The following ISG20 variants were observed in gnomAD, a reference collection of about 807,000 sequenced individuals.
The protein encoded by ISG20 is interferon stimulated exonuclease gene 20, also known as interferon-stimulated gene 20 kDa protein.
A neutral mutation model predicts 11.1 loss-of-function variants in ISG20; 8 were observed. The ratio of observed to expected loss-of-function variants is 0.72; its 90% CI spans 0.42 to 1.30. ISG20 has a LOEUF of 1.30. Among genes scored for constraint, ISG20 ranks in the 50% most tolerant of loss-of-function variants. The probability of loss-of-function intolerance (pLI) is 0.01; values close to 1 mark genes in which losing one functional copy is unlikely to be tolerated. For missense variants in ISG20, 243 were observed against 250.2 expected, an observed-to-expected ratio of 0.97 and a Z score of 0.19; for synonymous variants, 110 against 101.7, an observed-to-expected ratio of 1.08 and a Z score of -0.49.
In ISG20 at chr15:88,651,674, C is replaced by T. The variant is rs746196457; in HGVS notation, c.229-436C>T. 4 of 605,952 alleles carry T rather than the reference C, an allele frequency of 6.6e-6. No individual in the cohort carries two copies. The Admixed American group carries it at 1.6e-4, about 24-fold the overall frequency. The allele number at this position is 605,952 out of a possible 1,614,324, so 37.5% of individuals were successfully genotyped here. A position where few individuals can be genotyped will look rare whatever the true frequency, so the allele number is the denominator to read the frequency against. ...ACTGATTAGCAATCTAAGTTCTGCC[C>T]GGAACTTTAATTCCTCTTTGCCAGG... On this transcript the variant is annotated intron_variant, in intron 2 of 3. Transcript: ENST00000306072.
chr15:88,652,037 C>A, intron 2 of ISG20, 73 bp from the exon 3 acceptor site: 2 of 1,599,762 alleles, frequency 1.3e-6, no homozygotes, highest in Admixed American at 1.7e-5. Context: ...GGAGGGATTG[C>A]TCCCTTGCCA....
rs111437463 is a variant in ISG20, at chr15:88,651,896, G to C, written c.229-214G>C. ...ACAGTTCAGCTCCTGAAGGAGTCCA[G>C]GTGGGCTTTTGGCACAGAATGAAAC... On this transcript the variant is annotated intron_variant, in intron 2 of 3. Coordinates refer to ENST00000306072, the MANE Select transcript of ISG20 (RefSeq NM_002201.6). 9 of 1,404,990 alleles carry C rather than the reference G, an allele frequency of 6.4e-6. No homozygotes were observed. In the African/African-American group the frequency reaches 8.7e-5, roughly 14 times the overall value. 87.0% of individuals were successfully genotyped at this position (1,404,990 alleles called of 1,614,324 possible).
intron 2 of ISG20, chr15:88,651,238 T>A: frequency 1.0e-6 from 1 of 985,464 alleles, no homozygotes; most frequent in African/African-American, 1.7e-5. Context: ...CTCCTCTGCA[T>A]TTCAGATATT....
intron 3 of ISG20, among the ~76,000 whole-genome samples, chr15:88,654,728 C>G (rs559250238): frequency 6.6e-6 from 1 of 152,328 alleles, no homozygotes; most frequent in East Asian, 1.9e-4. Context: ...TCATATCCAG[C>G]TCAGAGGTTT....
chr15:88,646,778 C>G (rs1160337335), intron 2 of ISG20: 3 of 152,398 alleles, frequency 2.0e-5, no homozygotes, highest in Non-Finnish European at 4.4e-5. Flanking sequence ...GCATTATTTT[C>G]TTTCTTTTTT....
At chr15:88,647,461 C>T (rs1003799316) in intron 2 of ISG20, 3 of 152,226 alleles carry the variant, frequency 2.0e-5, no homozygotes, top group Non-Finnish European at 4.4e-5. Context: ...CCCTCCCCTG[C>T]CACGCACACA....
intron 2 of ISG20, among the ~76,000 whole-genome samples, chr15:88,645,645 C>G (rs970770648): frequency 2.6e-5 from 4 of 152,244 alleles, no homozygotes; most frequent in Middle Eastern, 3.4e-3. Context: ...CATAGCTCAG[C>G]CATTGCCTAC....
At chr15:88,651,235 G>A in intron 2 of ISG20, 1 of 985,424 alleles carries the variant, frequency 1.0e-6, no homozygotes, top group Non-Finnish European at 1.2e-6. Context: ...TCACTCCTCT[G>A]CATTTCAGAT....
intron 2 of ISG20, chr15:88,651,721 G>A (rs914272085): frequency 2.0e-5 from 19 of 950,594 alleles, no homozygotes; most frequent in Non-Finnish European, 2.4e-5. Context: ...CAGATCCTGG[G>A]GACTAGGGTG....
Position 88,652,319 on chromosome 15 carries a change from C to T in ISG20, c.429+9C>T. 1 of 1,604,358 alleles carries T rather than the reference C, an allele frequency of 6.2e-7. No individual in the cohort carries two copies. ...TACACAAGAGCATCCAGGTGAGAACCTCCTCGTCCTTCTCCTCCTCCCCCC... is the reference window on the plus strand; with the variant it reads ...TACACAAGAGCATCCAGGTGAGAACTTCCTCGTCCTTCTCCTCCTCCCCCC... On this transcript the variant is annotated intron_variant, in intron 3 of 3. Transcript: ENST00000306072.
intron 2 of ISG20, among the ~76,000 whole-genome samples, chr15:88,644,576 G>A (rs1210195021): frequency 6.6e-6 from 1 of 151,346 alleles, no homozygotes; most frequent in Non-Finnish European, 1.5e-5. Context: ...AGAGTCAGAG[G>A]CCCTAGGGAG....
upstream of ISG20, among the ~76,000 whole-genome samples, chr15:88,635,811 GCTT>G (rs1280464776): frequency 6.6e-6 from 1 of 152,070 alleles, no homozygotes. Flanking sequence ...GACATAAGTA[GCTT>G]CTTAATTTCT....
chr15:88,635,907 G>GA (rs2057977484), upstream of ISG20, among the ~76,000 whole-genome samples: 1 of 151,824 alleles, frequency 6.6e-6, no homozygotes, highest in Admixed American at 6.6e-5. Flanking sequence ...TATATTTATT[G>GA]AAAAAAAATC....
intron 2 of ISG20, among the ~76,000 whole-genome samples, chr15:88,641,215 C>T (rs1180973816): frequency 6.6e-6 from 1 of 152,002 alleles, no homozygotes; most frequent in Non-Finnish European, 1.5e-5. Flanking sequence ...AGGCTGGTCT[C>T]GCTCGAACTC....
At chr15:88,644,273 C>T (rs2058130752) in intron 2 of ISG20, among the ~76,000 whole-genome samples, 2 of 152,042 alleles carry the variant, frequency 1.3e-5, no homozygotes, top group South Asian at 2.1e-4. Context: ...GTGGCTCACA[C>T]CTGTAATCCC....
Position 88,650,589 on chromosome 15 carries a change from G to A in ISG20, c.229-1521G>A. On this transcript the variant is annotated intron_variant, in intron 2 of 3. Coordinates refer to ENST00000306072, the MANE Select transcript of ISG20 (RefSeq NM_002201.6). The surrounding 1 kb of genome is among the most constrained non-coding windows in gnomAD (Gnocchi z 4.0). ...CGCTCGGCCACCTGCAGTTTGGGCA[G>A]GTGCTCTGCAGCAGGACAGGCCGTC... 3 of 662,020 alleles carry A rather than the reference G, an allele frequency of 4.5e-6. 1 individual carries two copies. The highest frequency in any genetic ancestry group is 3.8e-5 in the South Asian group (2 of 52,392). The allele number at this position is 662,020 out of a possible 1,614,324, so 41.0% of individuals were successfully genotyped here.
intron 3 of ISG20, among the ~76,000 whole-genome samples, chr15:88,653,612 A>G (rs1372510123): frequency 1.3e-5 from 2 of 151,904 alleles, no homozygotes; most frequent in Non-Finnish European, 2.9e-5. Context: ...GCCTTCTCCC[A>G]GGCTCTGTCC....
chr15:88,642,217 C>A (rs2058093933), intron 2 of ISG20, among the ~76,000 whole-genome samples: 1 of 152,160 alleles, frequency 6.6e-6, no homozygotes, highest in Non-Finnish European at 1.5e-5. Context: ...GTGTGAATCA[C>A]TGTGCCCAGC....
upstream of ISG20, among the ~76,000 whole-genome samples, chr15:88,638,157 T>C (rs140082409): frequency 1.3e-5 from 2 of 152,346 alleles, no homozygotes; most frequent in African/African-American, 4.8e-5. Flanking sequence ...CAGTGTGGAT[T>C]CTGCACAGAT....
Sources: allele counts gnomAD v4.1 joint callset (sites outside exome capture counted in the v4.1 genomes callset), GRCh38; gene constraint gnomAD v4.1.1; non-coding constraint Gnocchi (gnomAD v3.1); transcripts MANE v1.5; gene names NCBI Gene and HGNC (gene_info 2026-07-23, HGNC 2026-07-21).